Variants in PALM2AKAP2 observed in about 807,000 individuals in gnomAD.
The protein encoded by PALM2AKAP2 is PALM2 and AKAP2 fusion.
In PALM2AKAP2, 37 loss-of-function variants were observed where a neutral mutation model predicts 71.5. The ratio of observed to expected loss-of-function variants is 0.52; its 90% CI spans 0.40 to 0.68. The LOEUF (loss-of-function observed/expected upper bound fraction) is 0.68, where lower values mean the gene tolerates loss of function less well. Among genes scored for constraint, PALM2AKAP2 ranks in the 30% least tolerant of loss-of-function variants. PALM2AKAP2 has a pLI of 0.00. For missense variants in PALM2AKAP2, 1,224 were observed against 1,191.8 expected, an observed-to-expected ratio of 1.03 and a Z score of -0.40; for synonymous variants, 468 against 478.8, an observed-to-expected ratio of 0.98 and a Z score of 0.29.
chr9:110,098,535 AT>A (rs1049616000), intron 1 of PALM2AKAP2, among the ~76,000 whole-genome samples: 2 of 152,168 alleles, frequency 1.3e-5, no homozygotes, highest in African/African-American at 4.8e-5. Flanking sequence ...AAATTAATTG[AT>A]TACCTATTAT....
chr9:109,671,025 T>C (rs895790694), intron 1 of PALM2AKAP2, among the ~76,000 whole-genome samples: 1 of 152,234 alleles, frequency 6.6e-6, no homozygotes. Flanking sequence ...ATATTAGACC[T>C]TTGTCAGATG....
intron 1 of PALM2AKAP2, among the ~76,000 whole-genome samples, chr9:109,744,013 G>A (rs961946511): frequency 1.3e-5 from 2 of 152,218 alleles, no homozygotes; most frequent in East Asian, 3.8e-4. Flanking sequence ...AGGCATGGGA[G>A]TGGGAGTGAG....
At chr9:109,910,800 G>A (rs561023294) in intron 3 of PALM2AKAP2, among the ~76,000 whole-genome samples, 2 of 152,028 alleles carry the variant, frequency 1.3e-5, no homozygotes, top group East Asian at 1.9e-4. Context: ...GCAGCAGGGC[G>A]GTGAGTGCAG....
chr9:109,872,935 G>T (rs1391213704), intron 2 of PALM2AKAP2, among the ~76,000 whole-genome samples: 1 of 152,186 alleles, frequency 6.6e-6, no homozygotes, highest in Admixed American at 6.5e-5. Flanking sequence ...TTGAATGGAA[G>T]TTAAAACCTG....
chr9:110,138,683 C>T (rs1835958266), intron 2 of PALM2AKAP2, 144 bp downstream of exon 8: 1 of 1,426,776 alleles, frequency 7.0e-7, no homozygotes, highest in Non-Finnish European at 9.1e-7. Context: ...TTCCAGCATA[C>T]AGGGACATGC....
Position 109,785,498 on chromosome 9 carries a change from C to T in PALM2AKAP2, c.45+4965C>T, listed in dbSNP as rs142879367. Among the ~76,000 whole-genome samples, 564 of 152,212 alleles carry T rather than the reference C, an allele frequency of 3.7e-3. 3 individuals are homozygous for T. Among genetic ancestry groups the T allele is most frequent in the African/African-American group, 0.012 (513 of 41,514 alleles). Reference sequence around the variant, plus strand: ...TTCACCGTGCTGATAAAGACATACCCGAGACTGGGTAATTTATAAGGAAAA... The same window carrying T: ...TTCACCGTGCTGATAAAGACATACCTGAGACTGGGTAATTTATAAGGAAAA... On this transcript the variant is annotated intron_variant, in intron 1 of 9. Coordinates refer to the PALM2AKAP2 transcript ENST00000302798.
At chr9:109,656,753 A>T (rs1177654937) in intron 1 of PALM2AKAP2, among the ~76,000 whole-genome samples, 2 of 152,198 alleles carry the variant, frequency 1.3e-5, no homozygotes, top group East Asian at 3.9e-4. Context: ...TGGCTGTGCC[A>T]GTCCGGATGG....
intron 6 of PALM2AKAP2, among the ~76,000 whole-genome samples, chr9:109,997,620 G>A (rs912942869): frequency 6.6e-6 from 1 of 152,338 alleles, no homozygotes; most frequent in Non-Finnish European, 1.5e-5. Flanking sequence ...TGGTGAGTTC[G>A]AGAAAAATAA....
intron 1 of PALM2AKAP2, among the ~76,000 whole-genome samples, chr9:109,808,335 T>A (rs1194303645): frequency 6.6e-6 from 1 of 152,192 alleles, no homozygotes; most frequent in African/African-American, 2.4e-5. Flanking sequence ...CAGAGGGAGA[T>A]GAGGAGCAAA....
intron 1 of PALM2AKAP2, among the ~76,000 whole-genome samples, chr9:109,841,072 G>A (rs1408903470): frequency 1.3e-5 from 2 of 152,178 alleles, no homozygotes; most frequent in African/African-American, 2.4e-5. Flanking sequence ...GCACAGGTAT[G>A]TTTGTTGTGA....
At chr9:110,098,224 C>G (rs577244389) in intron 1 of PALM2AKAP2, among the ~76,000 whole-genome samples, 2 of 150,962 alleles carry the variant, frequency 1.3e-5, no homozygotes, top group Non-Finnish European at 2.9e-5. Flanking sequence ...GGCTCTGCAG[C>G]CAGACTGCCT....
intron 1 of PALM2AKAP2, among the ~76,000 whole-genome samples, chr9:109,723,608 A>C (rs10046850): frequency 0.03 from 4,541 of 152,312 alleles, 209 homozygotes; most frequent in African/African-American, 0.1. Context: ...GACATGAGTC[A>C]TGAGGATATA....
chr9:109,997,648 C>T (rs1321593756), intron 6 of PALM2AKAP2, among the ~76,000 whole-genome samples: 1 of 152,234 alleles, frequency 6.6e-6, no homozygotes, highest in African/African-American at 2.4e-5. Flanking sequence ...AAAAGATGGA[C>T]CTTCCTGTTT....
chr9:110,035,570 A>T (rs889019693), intron 7 of PALM2AKAP2, among the ~76,000 whole-genome samples: 1 of 143,736 alleles, frequency 7.0e-6, no homozygotes, highest in African/African-American at 2.6e-5. Flanking sequence ...TATATAGGAT[A>T]TGTTGTGTTA....
At chr9:109,869,573 T>C (rs2769141) in intron 2 of PALM2AKAP2, among the ~76,000 whole-genome samples, 122,956 of 150,852 alleles carry the variant, frequency 0.82, 50,305 homozygotes, top group Non-Finnish European at 0.85. Context: ...CTCCTGACAT[T>C]GTGATCCACC....
At chr9:109,868,024 C>T (rs866094085) in intron 2 of PALM2AKAP2, among the ~76,000 whole-genome samples, 5 of 152,036 alleles carry the variant, frequency 3.3e-5, no homozygotes, top group East Asian at 3.9e-4. Flanking sequence ...GGAGATTAAA[C>T]GATGTGATCT....
At chr9:109,780,337 C>T, upstream of PALM2AKAP2, 1 of 1,518,804 alleles carries the variant, frequency 6.6e-7, no homozygotes, top group Non-Finnish European at 8.8e-7. Flanking sequence ...GCGCACAGCT[C>T]TGCCCGCCGC....
At chr9:109,787,826 G>A (rs903346584) in intron 1 of PALM2AKAP2, among the ~76,000 whole-genome samples, 2 of 152,196 alleles carry the variant, frequency 1.3e-5, no homozygotes, top group African/African-American at 4.8e-5. Flanking sequence ...TCAAGAGGCC[G>A]ACATTTTGTG....
chr9:109,775,482 C>A (rs558826123), upstream of PALM2AKAP2, among the ~76,000 whole-genome samples: 1 of 152,208 alleles, frequency 6.6e-6, no homozygotes, highest in Non-Finnish European at 1.5e-5. Flanking sequence ...CATCAACTTT[C>A]CCAAAGAGCT....
Sources: gnomAD v4.1 joint callset for allele counts (sites outside exome capture counted in the v4.1 genomes callset) on GRCh38, gnomAD v4.1.1 for gene constraint, MANE v1.5 for transcripts, NCBI Gene and HGNC (gene_info 2026-07-23, HGNC 2026-07-21) for gene names.